Variants in GRAMD1C observed in about 807,000 individuals in gnomAD.
GRAMD1C encodes the protein protein Aster-C.
In GRAMD1C, 89 loss-of-function variants were observed where a neutral mutation model predicts 97.8. That is an observed-to-expected ratio of 0.91 (90% confidence interval 0.77 to 1.09). The LOEUF (loss-of-function observed/expected upper bound fraction) is 1.09, where lower values mean the gene tolerates loss of function less well. Among genes scored for constraint, GRAMD1C ranks in the 50% least tolerant of loss-of-function variants. GRAMD1C has a pLI of 0.00. For missense variants in GRAMD1C, 740 were observed against 766.4 expected (o/e 0.97, Z 0.41); for synonymous variants, 256 against 267.0 (o/e 0.96, Z 0.40).
intron 6 of GRAMD1C, chr3:113,885,904 A>T: frequency 6.2e-7 from 1 of 1,612,828 alleles, no homozygotes; most frequent in Non-Finnish European, 8.5e-7. Context: ...ATCCCCATCA[A>T]ATCCTGGTTC....
At chr3:113,860,166 C>T (rs779791968) in intron 2 of GRAMD1C, among the ~76,000 whole-genome samples, 7 of 152,014 alleles carry the variant, frequency 4.6e-5, no homozygotes, top group African/African-American at 9.7e-5. Flanking sequence ...GGATTACAGG[C>T]GCGTGCCACC....
At chr3:113,933,744 C>T in intron 12 of GRAMD1C, 91 bp downstream of exon 12, 1 of 880,488 alleles carries the variant, frequency 1.1e-6, no homozygotes, top group Non-Finnish European at 1.8e-6. Flanking sequence ...CTTTACACAA[C>T]AGTTTTATTT....
intron 9 of GRAMD1C, among the ~76,000 whole-genome samples, chr3:113,910,253 T>C (rs1936518167): frequency 1.3e-5 from 2 of 151,970 alleles, no homozygotes; most frequent in Admixed American, 1.3e-4. Context: ...TGTGGCGGTG[T>C]GTGCCTGTAA....
chr3:113,878,527 A>G (rs1308506374), intron 5 of GRAMD1C, among the ~76,000 whole-genome samples: 3 of 152,192 alleles, frequency 2.0e-5, no homozygotes, highest in Admixed American at 6.5e-5. Flanking sequence ...ACACACACAT[A>G]TGCATAATGC....
intron 5 of GRAMD1C, among the ~76,000 whole-genome samples, chr3:113,879,683 C>T (rs569119922): frequency 2.7e-5 from 4 of 150,674 alleles, no homozygotes; most frequent in Non-Finnish European, 4.4e-5. Context: ...ACGGGATGAC[C>T]TCTTCCTTTT....
chr3:113,945,322 T>C, intron 17 of GRAMD1C, 76 bp from the exon 18 acceptor site: 1 of 826,876 alleles, frequency 1.2e-6, no homozygotes, highest in Non-Finnish European at 2.0e-6. Flanking sequence ...ACTGTAAATT[T>C]TGGGCATAAA....
chr3:113,936,632 C>A, intron 14 of GRAMD1C, 190 bp downstream of exon 14: 1 of 452,060 alleles, frequency 2.2e-6, no homozygotes. Flanking sequence ...TGCAAAATGG[C>A]AAGCATATAA....
chr3:113,844,366 C>T (rs187359101), intron 1 of GRAMD1C, 137 bp from the exon 2 acceptor site: 118 of 513,808 alleles, frequency 2.3e-4, no homozygotes, highest in African/African-American at 2.3e-3. Flanking sequence ...GAAGCAAAAA[C>T]GTATTTATTA....
intron 1 of GRAMD1C, among the ~76,000 whole-genome samples, chr3:113,840,657 G>A (rs1709761620): frequency 6.6e-6 from 1 of 152,098 alleles, no homozygotes; most frequent in African/African-American, 2.4e-5. Context: ...TTGGGAGGCT[G>A]AGATAGGAAG....
chr3:113,831,594 G>A (rs1412600348), intron 1 of GRAMD1C, among the ~76,000 whole-genome samples: 1 of 151,856 alleles, frequency 6.6e-6, no homozygotes, highest in African/African-American at 2.4e-5. Context: ...AGGTCTTATG[G>A]GTTCTGTTCA....
chr3:113,936,534 G>A, intron 14 of GRAMD1C, 92 bp downstream of exon 14: 1 of 763,376 alleles, frequency 1.3e-6, no homozygotes, highest in Admixed American at 2.8e-5. Flanking sequence ...ATGTCAGGAG[G>A]TCTCCTTTTC....
At chr3:113,942,217 A>ATT (rs1304568930) in intron 17 of GRAMD1C, among the ~76,000 whole-genome samples, 12 of 140,988 alleles carry the variant, frequency 8.5e-5, no homozygotes, top group African/African-American at 7.8e-5. Context: ...CCCAGCTGCA[A>ATT]TTTTTTTTTT....
chr3:113,896,711 A>T (rs1459305646), intron 6 of GRAMD1C, among the ~76,000 whole-genome samples: 1 of 152,200 alleles, frequency 6.6e-6, no homozygotes, highest in African/African-American at 2.4e-5. Context: ...ACTCTACTCT[A>T]TCTCATTCTG....
At chr3:113,929,175 C>G (rs1268990044) in intron 10 of GRAMD1C, among the ~76,000 whole-genome samples, 1 of 152,172 alleles carries the variant, frequency 6.6e-6, no homozygotes, top group African/African-American at 2.4e-5. Context: ...GAACGTTCAC[C>G]AATTTTAAAA....
chr3:113,893,529 C>G (rs1424604689), intron 6 of GRAMD1C, among the ~76,000 whole-genome samples: 1 of 152,122 alleles, frequency 6.6e-6, no homozygotes, highest in Admixed American at 6.6e-5. Context: ...ATATGCATTA[C>G]AGTTACAATT....
At chr3:113,868,413 C>T (rs1294340770) in intron 2 of GRAMD1C, among the ~76,000 whole-genome samples, 1 of 152,072 alleles carries the variant, frequency 6.6e-6, no homozygotes, top group African/African-American at 2.4e-5. Flanking sequence ...ATTGCAGCAT[C>T]TCTGGATTCT....
intron 2 of GRAMD1C, among the ~76,000 whole-genome samples, chr3:113,849,982 C>G (rs1371276958): frequency 2.7e-5 from 4 of 149,238 alleles, no homozygotes; most frequent in South Asian, 4.3e-4. Flanking sequence ...CTGACCCCCC[C>G]ACCTCCCTCC....
chr3:113,854,737 A>G (rs1001983090), intron 2 of GRAMD1C, among the ~76,000 whole-genome samples: 4 of 152,190 alleles, frequency 2.6e-5, no homozygotes, highest in Non-Finnish European at 2.9e-5. Context: ...CCATATCAAC[A>G]TGAAAAAAAC....
chr3:113,946,971 C>T lies in GRAMD1C; in HGVS notation c.*1493C>T, dbSNP rs1385986751. ...GAGTGGATTATAAACTTGAAGATTT[C>T]TCTGTTAAAGTCACAAAAATGATCG... On this transcript the variant is annotated 3_prime_UTR_variant, in exon 18 of 18. Coordinates refer to ENST00000358160, the MANE Select transcript of GRAMD1C (RefSeq NM_017577.5). 2.6e-5 allele frequency: 4 copies of T among 152,124 alleles called. No individual in the cohort carries two copies. The highest frequency in any genetic ancestry group is 9.7e-5 in the African/African-American group (4 of 41,430). 9.4% of individuals were successfully genotyped at this position (152,124 alleles called of 1,614,324 possible).
Sources: allele counts gnomAD v4.1 joint callset (sites outside exome capture counted in the v4.1 genomes callset), GRCh38; gene constraint gnomAD v4.1.1; transcripts MANE v1.5; gene names NCBI Gene and HGNC (gene_info 2026-07-23, HGNC 2026-07-21).